Variants in QTMAN observed in about 807,000 individuals in gnomAD.
The protein encoded by QTMAN is tRNA-queuosine alpha-mannosyltransferase.
chr2:144,155,181 C>T, the QTMAN span, among the ~76,000 whole-genome samples: 4 of 152,076 alleles, frequency 2.6e-5, no homozygotes, highest in Non-Finnish European at 5.9e-5. Context: ...GTATTTCAGG[C>T]ACTGTTCTCT....
chr2:144,174,304 A>G, the QTMAN span, among the ~76,000 whole-genome samples: 5 of 152,124 alleles, frequency 3.3e-5, no homozygotes, highest in Non-Finnish European at 5.9e-5. Context: ...TCCTCCTTGC[A>G]CCAAGATCTA....
At chr2:144,270,169 G>T in the QTMAN span, among the ~76,000 whole-genome samples, 1 of 152,116 alleles carries the variant, frequency 6.6e-6, no homozygotes, top group Non-Finnish European at 1.5e-5. Context: ...TTTAGAAGGT[G>T]GTCTACCAGA....
the QTMAN span, among the ~76,000 whole-genome samples, chr2:144,196,257 T>C: frequency 5.1e-3 from 776 of 150,778 alleles, 8 homozygotes; most frequent in African/African-American, 0.018. Flanking sequence ...GAAATATATA[T>C]ATAATATATG....
chr2:143,975,664 G>A, the QTMAN span, among the ~76,000 whole-genome samples: 8 of 152,146 alleles, frequency 5.3e-5, no homozygotes, highest in African/African-American at 1.4e-4. Flanking sequence ...ACTTTCAGAC[G>A]AAAGTATCTA....
At chr2:144,092,637 T>C in the QTMAN span, among the ~76,000 whole-genome samples, 3 of 152,054 alleles carry the variant, frequency 2.0e-5, no homozygotes, top group Admixed American at 6.6e-5. Flanking sequence ...AAGTTGAGAG[T>C]ACAAGTTATT....
At chr2:144,197,816 T>C in the QTMAN span, among the ~76,000 whole-genome samples, 1 of 152,230 alleles carries the variant, frequency 6.6e-6, no homozygotes, top group Non-Finnish European at 1.5e-5. Flanking sequence ...ATCAATAGTC[T>C]CCATCCAATA....
the QTMAN span, among the ~76,000 whole-genome samples, chr2:144,086,281 T>C: frequency 2.0e-5 from 3 of 152,102 alleles, no homozygotes; most frequent in African/African-American, 7.2e-5. Context: ...GTAGCTGGAA[T>C]TGGATGAGAG....
chr2:144,307,188 TAAAAAAAA>T, the QTMAN span, among the ~76,000 whole-genome samples: 1 of 81,272 alleles, frequency 1.2e-5, no homozygotes, highest in African/African-American at 4.6e-5. Context: ...AAAAAACAAT[TAAAAAAAA>T]AAAAAAGAAA....
the QTMAN span, among the ~76,000 whole-genome samples, chr2:144,145,107 T>TA: frequency 1.4e-5 from 2 of 145,232 alleles, no homozygotes; most frequent in Non-Finnish European, 3.0e-5. Flanking sequence ...GTCTTACAAT[T>TA]TAAAAAAAAA....
chr2:144,020,710 C>T, the QTMAN span, among the ~76,000 whole-genome samples: 1 of 151,938 alleles, frequency 6.6e-6, no homozygotes, highest in African/African-American at 2.4e-5. Context: ...CATCACACAC[C>T]CTGGGAGGGG....
chr2:144,326,453 G>C, the QTMAN span, among the ~76,000 whole-genome samples: 1 of 152,128 alleles, frequency 6.6e-6, no homozygotes, highest in Admixed American at 6.5e-5. Context: ...CGGGCATGGT[G>C]GTGGGTGCCT....
At chr2:144,016,614 T>A in the QTMAN span, among the ~76,000 whole-genome samples, 1 of 152,214 alleles carries the variant, frequency 6.6e-6, no homozygotes, top group African/African-American at 2.4e-5. Context: ...TCTAATCATG[T>A]GTTCTATTCC....
chr2:144,074,962 T>C, the QTMAN span, among the ~76,000 whole-genome samples: 7 of 152,240 alleles, frequency 4.6e-5, no homozygotes, highest in Admixed American at 2.6e-4. Context: ...ATTTTTGACA[T>C]ATGCTATGTT....
At chr2:143,978,452 T>C in the QTMAN span, among the ~76,000 whole-genome samples, 1 of 152,246 alleles carries the variant, frequency 6.6e-6, no homozygotes, top group Admixed American at 6.5e-5. Flanking sequence ...CTCCCCAGGT[T>C]GTTTCTTTTC....
the QTMAN span, among the ~76,000 whole-genome samples, chr2:143,960,627 GGATACTT>G: frequency 1.3e-5 from 2 of 152,018 alleles, no homozygotes; most frequent in African/African-American, 4.8e-5. Flanking sequence ...AGCTCCCATA[GGATACTT>G]GAAGGTGAAG....
the QTMAN span, among the ~76,000 whole-genome samples, chr2:144,291,321 A>C: frequency 6.6e-6 from 1 of 152,336 alleles, no homozygotes; most frequent in Non-Finnish European, 1.5e-5. Context: ...TCAACCCATA[A>C]CAGCTAGTAC....
At chr2:144,136,046 C>T in the QTMAN span, among the ~76,000 whole-genome samples, 1 of 151,992 alleles carries the variant, frequency 6.6e-6, no homozygotes. Flanking sequence ...AGATGTGAGG[C>T]CAGGCAAGGT....
the QTMAN span, among the ~76,000 whole-genome samples, chr2:144,322,597 T>G: frequency 2.0e-4 from 30 of 151,512 alleles, no homozygotes; most frequent in Non-Finnish European, 4.1e-4. Context: ...TTGAGCAACA[T>G]GAAAAAAAAA....
chr2:144,086,808 G>A, the QTMAN span, among the ~76,000 whole-genome samples: 3 of 152,122 alleles, frequency 2.0e-5, no homozygotes, highest in Non-Finnish European at 4.4e-5. Context: ...TCAAATGGTG[G>A]AATAGAAAGA....
Sources: gnomAD v4.1 joint callset for allele counts (sites outside exome capture counted in the v4.1 genomes callset) on GRCh38, gnomAD v4.1.1 for gene constraint, MANE v1.5 for transcripts, NCBI Gene and HGNC (gene_info 2026-07-23, HGNC 2026-07-21) for gene names.